STAT6: variants seen among roughly 807,000 people sequenced by gnomAD.
STAT6 encodes signal transducer and activator of transcription 6, also known as STAT, interleukin4-induced.
STAT6 carries 45 observed loss-of-function variants against 106.3 expected under a neutral mutation model. The ratio of observed to expected loss-of-function variants is 0.42; its 90% CI spans 0.33 to 0.54. The LOEUF is 0.54. Among genes scored for constraint, STAT6 ranks in the 20% least tolerant of loss-of-function variants. The pLI, the probability that STAT6 is intolerant of heterozygous loss-of-function variation, is 0.06. For missense variants in STAT6, 797 were observed against 1,062.2 expected, an observed-to-expected ratio of 0.75 and a Z score of 3.47; for synonymous variants, 413 against 413.6, an observed-to-expected ratio of 1.00 and a Z score of 0.02.
chr12:57,098,860 C>T lies in STAT6; in HGVS notation c.1998G>A (p.Met666Ile). ...CCATTCCAAGGTCATAAGAAGGCAC[C>T]ATGGTAGGCATCTGGAGCTCTGGGG... is the stretch of plus-strand genomic sequence containing the variant. ...LPTPELQMPT[M>I]VPSYDLGMAP... The change falls in exon 18 of 22, where the codon ATG (methionine) becomes ATA (isoleucine). Residue 666 changes from methionine (M) to isoleucine (I), a missense_variant. By Grantham distance (10) the Met-to-Ile change is conservative. Coordinates refer to ENST00000300134, the MANE Select transcript of STAT6 (RefSeq NM_003153.5). The T allele has an allele frequency of 6.2e-7, 1 of 1,613,402 alleles. No homozygotes were observed. Among genetic ancestry groups the T allele is most frequent in the East Asian group, 2.2e-5 (1 of 44,888 alleles).
At position 57,095,486 on chromosome 12, in the gene STAT6, C is replaced by A. The variant is rs1210237159; in HGVS notation, c.*1086G>T. The A allele has an allele frequency of 1.3e-5, 2 of 152,626 alleles. No homozygotes were observed. Among genetic ancestry groups the A allele is most frequent in the Non-Finnish European group, 2.9e-5 (2 of 68,058 alleles). The allele number at this position is 152,626 out of a possible 1,614,324, so 9.5% of individuals were successfully genotyped here. ...ATTTTATGGCTTAGGATCTATGACC[C>A]CTGCCTTGAGAGGGAGAATGGGATA... is the stretch of plus-strand genomic sequence containing the variant. On this transcript the variant is annotated 3_prime_UTR_variant, in exon 22 of 22. Coordinates refer to ENST00000300134, the MANE Select transcript of STAT6 (RefSeq NM_003153.5).
intron 12 of STAT6, 129 bp from the exon 13 acceptor site, chr12:57,102,625 G>T (rs1247886419): frequency 9.2e-7 from 1 of 1,088,704 alleles, no homozygotes; most frequent in Non-Finnish European, 1.3e-6. Flanking sequence ...CAAACATGCT[G>T]TTTTTTCTAG....
intron 19 of STAT6, among the ~76,000 whole-genome samples, chr12:57,098,076 A>C (rs1035443858): frequency 8.5e-5 from 13 of 152,148 alleles, no homozygotes; most frequent in African/African-American, 3.1e-4. Flanking sequence ...AATTATACTC[A>C]ATGGTATTCG....
rs773150442 is a variant in STAT6 at position 57,099,996 on chromosome 12, C to T, written c.1607G>A (p.Arg536Gln). ...KRCLRSYWSD[R>Q]LIIGFISKQY... ...CAGACTACCCAGGGTGGGGACTCAC[C>T]GGTCAGACCAGTAGCTCCGGAGACA... is the stretch of plus-strand genomic sequence containing the variant. The change falls in exon 14 of 22, where the codon CGG becomes CAG. Residue 536 changes from arginine to glutamine, a missense_variant and splice_region_variant. This residue lies in a region of STAT6 where 222 missense variants were observed against 354.6 expected (regional missense o/e 0.63). Transcript: ENST00000300134. This position sits in a 1 kb window ranked among gnomAD's most constrained non-coding sequence, Gnocchi z 4.7. The T allele has an allele frequency of 6.8e-6, 11 of 1,613,720 alleles. No homozygotes were observed. Among genetic ancestry groups the T allele is most frequent in the South Asian group, 3.3e-5 (3 of 91,002 alleles).
chr12:57,099,086 G>T lies in STAT6; in HGVS notation c.1892-8C>A. On this transcript the variant is annotated splice_region_variant and splice_polypyrimidine_tract_variant and intron_variant, in intron 16 of 21. Transcript: ENST00000300134. This position sits in a 1 kb window ranked among gnomAD's most constrained non-coding sequence, Gnocchi z 4.7. ...CCTTACCCATCTGTTCAGCTGTTGT[G>T]AGAAGGAAAAGACAGCCATGGAGTG... The T allele has an allele frequency of 6.2e-7, 1 of 1,614,118 alleles. No individual in the cohort carries two copies. Among genetic ancestry groups the T allele is most frequent in the African/African-American group, 1.3e-5 (1 of 75,050 alleles).
Position 57,105,578 on chromosome 12 carries a change from A to C in STAT6, c.702T>G (p.Ile234Met). 2 of 1,613,876 alleles carry C rather than the reference A, an allele frequency of 1.2e-6. No homozygotes were observed. The highest frequency in any genetic ancestry group is 1.7e-6 in the Non-Finnish European group (2 of 1,179,892). ...LQERCESLVDIYSQLQQEVGA... is the reference protein window; with the variant it reads ...LQERCESLVDMYSQLQQEVGA... Reference sequence around the variant, plus strand: ...CTACCTCCTGCTGTAGCTGGGAATAAATGTCCACCAGGCTTTCACACCTGG... The same window carrying C: ...CTACCTCCTGCTGTAGCTGGGAATACATGTCCACCAGGCTTTCACACCTGG... The change falls in exon 8 of 22, where the codon ATT (isoleucine) becomes ATG (methionine). Residue 234 changes from isoleucine to methionine, a missense_variant. Ile to Met is a conservative substitution (Grantham distance 10, BLOSUM62 1). This residue lies in a region of STAT6 where 336 missense variants were observed against 429.8 expected (regional missense o/e 0.78). Transcript: ENST00000300134.
Position 57,099,226 on chromosome 12 carries a change from G to A in STAT6, c.1891+68C>T. On this transcript the variant is annotated intron_variant, in intron 16 of 21. Coordinates refer to ENST00000300134, the MANE Select transcript of STAT6 (RefSeq NM_003153.5). The surrounding 1 kb of genome is among the most constrained non-coding windows in gnomAD (Gnocchi z 4.7). ...TCAGGATGACACGCGGGCAGGGAGA[G>A]GAGGGCAGCGGGGAGCAGGGAGGAA... is the stretch of plus-strand genomic sequence containing the variant. 1.2e-6 allele frequency: 2 copies of A among 1,606,884 alleles called. No homozygotes were observed. The highest frequency in any genetic ancestry group is 1.7e-6 in the Non-Finnish European group (2 of 1,174,190).
chr12:57,097,862 T>C (rs1258082307), intron 19 of STAT6, among the ~76,000 whole-genome samples: 4 of 151,806 alleles, frequency 2.6e-5, no homozygotes, highest in Non-Finnish European at 5.9e-5. Flanking sequence ...ATCGCACCAC[T>C]GCACTCCAGT....
In STAT6 at chr12:57,102,858, T is replaced by C. The variant is rs749480306; in HGVS notation, c.1276A>G (p.Ile426Val). 3 of 1,613,738 alleles carry C rather than the reference T, an allele frequency of 1.9e-6. No homozygotes were observed. The South Asian group carries it at 3.3e-5, about 18-fold the overall frequency. ...TCAGAGAAGGCATTGTCCCACAGGA[T>C]AGTGGCTTTGGCATTGTTGTCTTGG... Reference protein sequence around the residue: ...GNQDNNAKATILWDNAFSEMD... With the variant: ...GNQDNNAKATVLWDNAFSEMD... Residue 426 changes from isoleucine (I) to valine (V), a missense_variant, in exon 12 of 22, where the codon ATC becomes GTC. Transcript: ENST00000300134.
chr12:57,102,360 ATCT>A lies in STAT6; in HGVS notation c.1439_1441del (p.Lys480del). The A allele has an allele frequency of 6.2e-7, 1 of 1,614,050 alleles. No homozygotes were observed. Among genetic ancestry groups the A allele is most frequent in the Middle Eastern group, 1.7e-4 (1 of 6,056 alleles). On this transcript the variant is annotated inframe_deletion, in exon 13 of 22. Coordinates refer to ENST00000300134, the MANE Select transcript of STAT6 (RefSeq NM_003153.5). ...CATACTGAGGCTGTTGTCATTGAAG[ATCT>A]TCTGGGCCAGGAAGAGGAAGTGCTC...
At position 57,099,263 on chromosome 12, in the gene STAT6, G is replaced by T; in HGVS notation, c.1891+31C>A. ...GGAGCAGGGAGGAAGTGGGTGACAG[G>T]AAGGAATCAGAGCTGCCAGTTCCAG... On this transcript the variant is annotated intron_variant, in intron 16 of 21. Transcript: ENST00000300134. This position sits in a 1 kb window ranked among gnomAD's most constrained non-coding sequence, Gnocchi z 4.7. 6.2e-7 allele frequency: 1 copy of T among 1,613,514 alleles called. No homozygotes were observed. The highest frequency in any genetic ancestry group is 8.5e-7 in the Non-Finnish European group (1 of 1,179,578).
At chr12:57,097,435 T>C (rs2033520702) in intron 19 of STAT6, 1 of 278,740 alleles carries the variant, frequency 3.6e-6, no homozygotes. Context: ...TTGACTAAGT[T>C]AATAAGCACC....
chr12:57,097,941 C>A (rs77910404), intron 19 of STAT6, among the ~76,000 whole-genome samples: 1 of 152,010 alleles, frequency 6.6e-6, no homozygotes, highest in Non-Finnish European at 1.5e-5. Flanking sequence ...CAAATATTTA[C>A]CATTATGTTA....
rs2034189939 is a variant in STAT6, at chr12:57,105,167, C to T, written c.985G>A (p.Gly329Ser). 1.9e-6 allele frequency: 3 copies of T among 1,612,822 alleles called. No individual in the cohort carries two copies. The highest frequency in any genetic ancestry group is 1.3e-5 in the African/African-American group (1 of 74,916). The change falls in exon 9 of 22, where the codon GGT (glycine) becomes AGT (serine). Residue 329 changes from glycine (G) to serine (S), a missense_variant. Gly to Ser is a moderately conservative substitution (Grantham distance 56). Around this residue, in one of 4 missense-constraint regions of STAT6, gnomAD observed 336 missense variants for 429.8 expected, o/e 0.78. Coordinates refer to ENST00000300134, the MANE Select transcript of STAT6 (RefSeq NM_003153.5). ...KQARELSVPQGPGAGAESTGE... is the reference protein window; with the variant it reads ...KQARELSVPQSPGAGAESTGE... ...CCAGCTTACGCTCCAGCCCCAGGAC[C>T]CTGAGGCACACTCAGCTCCCGCGCC...
Position 57,102,702 on chromosome 12 carries a change from G to A in STAT6, c.1305+127C>T, listed in dbSNP as rs2034012730. 3 of 931,712 alleles carry A rather than the reference G, an allele frequency of 3.2e-6. No homozygotes were observed. In the Admixed American group the frequency reaches 6.7e-5, roughly 21 times the overall value. The allele number at this position is 931,712 out of a possible 1,614,324, so 57.7% of individuals were successfully genotyped here. ...AAAGAGGTCAGAAGCACGAAAGCAG[G>A]CCCATGAGAAAGTGTTAAGGTCACA... is the stretch of plus-strand genomic sequence containing the variant. On this transcript the variant is annotated intron_variant, in intron 12 of 21. Coordinates refer to ENST00000300134, the MANE Select transcript of STAT6 (RefSeq NM_003153.5).
chr12:57,101,968 A>G (rs1385292222), intron 13 of STAT6, among the ~76,000 whole-genome samples: 4 of 152,196 alleles, frequency 2.6e-5, no homozygotes, highest in African/African-American at 9.7e-5. Context: ...CCGGCCAGGA[A>G]CTATTTTTCC....
intron 4 of STAT6, 46 bp from the exon 5 acceptor site, chr12:57,106,877 C>A (rs1351432450): frequency 1.9e-6 from 3 of 1,607,422 alleles, no homozygotes; most frequent in South Asian, 2.2e-5. Context: ...CTCTGCTCAT[C>A]CCTCTATACC....
chr12:57,096,364 T>C lies in STAT6; in HGVS notation c.*208A>G. The C allele has an allele frequency of 3.6e-6, 2 of 559,684 alleles. No homozygotes were observed. Among genetic ancestry groups the C allele is most frequent in the East Asian group, 3.1e-5 (1 of 32,380 alleles). The allele number at this position is 559,684 out of a possible 1,614,324, so 34.7% of individuals were successfully genotyped here. On this transcript the variant is annotated 3_prime_UTR_variant, in exon 22 of 22. Transcript: ENST00000300134. ...CCTTCCAGTCAGTGCTGGAAGGAGG[T>C]GGGCAGGGGAATGATAGAAAGGAAG...
In STAT6 at chr12:57,104,295, T is replaced by A. The variant is rs2034136036; in HGVS notation, c.1212+169A>T. 5.4e-6 allele frequency: 5 copies of A among 919,964 alleles called. No homozygotes were observed. In the South Asian group the frequency reaches 8.4e-5, roughly 16 times the overall value. 57.0% of individuals were successfully genotyped at this position (919,964 alleles called of 1,614,324 possible). A position where few individuals can be genotyped will look rare whatever the true frequency, so the allele number is the denominator to read the frequency against. On this transcript the variant is annotated intron_variant, in intron 11 of 21. Coordinates refer to ENST00000300134, the MANE Select transcript of STAT6 (RefSeq NM_003153.5). ...CTATCCACTACCATTCCCTGCCCTGTGCACTCCATGCTCTTGCTCACCCCC... is the reference window on the plus strand; with the variant it reads ...CTATCCACTACCATTCCCTGCCCTGAGCACTCCATGCTCTTGCTCACCCCC...
Sources: allele counts gnomAD v4.1 joint callset (sites outside exome capture counted in the v4.1 genomes callset), GRCh38; gene constraint gnomAD v4.1.1; regional missense constraint gnomAD v4.1.1; non-coding constraint Gnocchi (gnomAD v3.1); transcripts MANE v1.5; gene names NCBI Gene and HGNC (gene_info 2026-07-23, HGNC 2026-07-21).